VEPH1: variants seen among roughly 807,000 people sequenced by gnomAD.
VEPH1 encodes ventricular zone expressed PH domain containing 1, also known as ventricular zone-expressed PH domain-containing protein homolog 1.
Under a neutral mutation model 85.2 loss-of-function variants are expected in VEPH1, and 80 were observed. That is an observed-to-expected ratio of 0.94 (90% CI 0.78 to 1.13). The LOEUF (loss-of-function observed/expected upper bound fraction) is 1.13, where lower values mean the gene tolerates loss of function less well. Among genes scored for constraint, VEPH1 ranks in the 50% most tolerant of loss-of-function variants. The pLI, the probability that VEPH1 is intolerant of heterozygous loss-of-function variation, is 0.00. For missense variants in VEPH1, 955 were observed against 980.5 expected (o/e 0.97, Z 0.35); for synonymous variants, 297 against 348.0 (o/e 0.85, Z 1.63).
rs142453403 is a variant in VEPH1, at chr3:157,270,154, C to T, written c.2129-4492G>A. 1.4e-4 allele frequency among the ~76,000 whole-genome samples: 22 copies of T among 151,990 alleles called. No homozygotes were observed. In the East Asian group the frequency reaches 3.5e-3, roughly 24 times the overall value. On this transcript the variant is annotated intron_variant, in intron 12 of 13. Coordinates refer to ENST00000362010, the MANE Select transcript of VEPH1 (RefSeq NM_001167912.2). ...ATGCACCTGTAGTCCCAGGTACTCA[C>T]GGGGGTGAAGGGGTGCAGAGGTGGG...
At chr3:157,288,961 C>T (rs1435756946) in intron 11 of VEPH1, among the ~76,000 whole-genome samples, 2 of 151,742 alleles carry the variant, frequency 1.3e-5, no homozygotes, top group Admixed American at 1.3e-4. Context: ...ATTGTTTTGA[C>T]AAAAATGATT....
chr3:157,368,476 G>GTTT (rs59050089), intron 7 of VEPH1, among the ~76,000 whole-genome samples: 1,942 of 140,396 alleles, frequency 0.014, 48 homozygotes, highest in African/African-American at 0.051. Context: ...TAAACAATAA[G>GTTT]TTTTTTGTTT....
chr3:157,358,369 G>A (rs116602994), intron 9 of VEPH1, among the ~76,000 whole-genome samples: 11 of 152,254 alleles, frequency 7.2e-5, no homozygotes, highest in African/African-American at 1.9e-4. Context: ...TGAGGCTCCA[G>A]GAAATTTGGT....
At chr3:157,362,618 A>C (rs1022871766) in intron 9 of VEPH1, among the ~76,000 whole-genome samples, 4 of 152,166 alleles carry the variant, frequency 2.6e-5, no homozygotes, top group African/African-American at 9.7e-5. Context: ...TTCCTATACA[A>C]CCATTCTATT....
chr3:157,424,878 A>G (rs1329396403), intron 5 of VEPH1, among the ~76,000 whole-genome samples: 2 of 152,256 alleles, frequency 1.3e-5, no homozygotes, highest in African/African-American at 2.4e-5. Flanking sequence ...TTTTCTGAGG[A>G]GAAATTCAAG....
At chr3:157,412,010 T>TAGTG (rs1731572306) in intron 6 of VEPH1, among the ~76,000 whole-genome samples, 1 of 152,168 alleles carries the variant, frequency 6.6e-6, no homozygotes, top group Non-Finnish European at 1.5e-5. Context: ...GCTCTCATGA[T>TAGTG]AGTGAGTGAG....
At chr3:157,501,397 A>G (rs886973566) in intron 1 of VEPH1, among the ~76,000 whole-genome samples, 8 of 152,360 alleles carry the variant, frequency 5.3e-5, no homozygotes, top group South Asian at 4.1e-4. Flanking sequence ...AATACAATGT[A>G]TCTCAAACTT....
intron 12 of VEPH1, among the ~76,000 whole-genome samples, chr3:157,278,165 G>A (rs1434326969): frequency 6.6e-6 from 1 of 152,218 alleles, no homozygotes; most frequent in Admixed American, 6.5e-5. Context: ...TGTAACCAAT[G>A]TTATGGAGAA....
intron 11 of VEPH1, among the ~76,000 whole-genome samples, chr3:157,300,874 A>G (rs1718710798): frequency 6.6e-6 from 1 of 152,210 alleles, no homozygotes; most frequent in Non-Finnish European, 1.5e-5. Flanking sequence ...GTATTTAGGG[A>G]GGCAAAGTTT....
At chr3:157,318,446 A>G (rs988702581) in intron 9 of VEPH1, among the ~76,000 whole-genome samples, 1 of 151,904 alleles carries the variant, frequency 6.6e-6, no homozygotes, top group Admixed American at 6.6e-5. Flanking sequence ...CTTCTCTACA[A>G]AAAATACAAA....
At chr3:157,387,080 G>A (rs1344794240) in intron 6 of VEPH1, among the ~76,000 whole-genome samples, 1 of 152,158 alleles carries the variant, frequency 6.6e-6, no homozygotes, top group Admixed American at 6.5e-5. Flanking sequence ...AGAGCTAAAA[G>A]CAATAAGTAA....
chr3:157,288,467 T>G (rs1717058836), intron 11 of VEPH1, among the ~76,000 whole-genome samples: 1 of 152,028 alleles, frequency 6.6e-6, no homozygotes. Context: ...GTAAGAAGTA[T>G]GTCCAACTAT....
chr3:157,497,918 T>G (rs1739798618), intron 1 of VEPH1, among the ~76,000 whole-genome samples: 1 of 152,174 alleles, frequency 6.6e-6, no homozygotes, highest in Admixed American at 6.5e-5. Flanking sequence ...AGGTGAGACT[T>G]ACACATTATT....
Position 157,442,771 on chromosome 3 carries a change from A to G in VEPH1, c.530-14283T>C, listed in dbSNP as rs769709134. 9.3e-6 allele frequency: 15 copies of G among 1,614,234 alleles called. No individual in the cohort carries two copies. In the East Asian group the frequency reaches 3.1e-4, roughly 34 times the overall value. On this transcript the variant is annotated intron_variant, in intron 4 of 13. Coordinates refer to ENST00000362010, the MANE Select transcript of VEPH1 (RefSeq NM_001167912.2). ...GGAGGAATCCTGCAGATTGGCCAAGAAAAGAATGGCTGCTGTGTGGGTGGT... is the reference window on the plus strand; with the variant it reads ...GGAGGAATCCTGCAGATTGGCCAAGGAAAGAATGGCTGCTGTGTGGGTGGT...
chr3:157,314,811 A>G lies in VEPH1; in HGVS notation c.1876-1056T>C, dbSNP rs577284804. Reference sequence around the variant, plus strand: ...TAAATGTTGATCAGTAAGAATGTGAACATAAAGAAAATCACATTTACATAT... The same window carrying G: ...TAAATGTTGATCAGTAAGAATGTGAGCATAAAGAAAATCACATTTACATAT... On this transcript the variant is annotated intron_variant, in intron 10 of 13. Transcript: ENST00000362010. Among the ~76,000 whole-genome samples the G allele has an allele frequency of 2.6e-5, 4 of 152,238 alleles. 1 individual carries two copies. The highest frequency in any genetic ancestry group is 9.6e-5 in the African/African-American group (4 of 41,576).
rs1187860100 is a variant in VEPH1, at chr3:157,399,874, A to T, written c.906+14007T>A. Among the ~76,000 whole-genome samples the T allele has an allele frequency of 2.6e-5, 4 of 152,124 alleles. No homozygotes were observed. The South Asian group carries it at 6.2e-4, about 24-fold the overall frequency. On this transcript the variant is annotated intron_variant, in intron 6 of 13. Coordinates refer to ENST00000362010, the MANE Select transcript of VEPH1 (RefSeq NM_001167912.2). ...CCTTGTTAATCTCTCTCTTAGGTAGATAATTCTCCAACTTTGAGCCGATTT... is the reference window on the plus strand; with the variant it reads ...CCTTGTTAATCTCTCTCTTAGGTAGTTAATTCTCCAACTTTGAGCCGATTT...
chr3:157,411,097 G>A (rs187980261), intron 6 of VEPH1, among the ~76,000 whole-genome samples: 175 of 152,252 alleles, frequency 1.1e-3, no homozygotes, highest in African/African-American at 3.9e-3. Flanking sequence ...CCCCCTTCCT[G>A]CTGGCTGAAA....
intron 12 of VEPH1, among the ~76,000 whole-genome samples, chr3:157,278,552 C>A (rs1451130706): frequency 1.3e-5 from 2 of 152,114 alleles, no homozygotes; most frequent in Non-Finnish European, 2.9e-5. Flanking sequence ...GGTGGCACAA[C>A]AGATTTGTGT....
chr3:157,293,898 G>T (rs1717820748), intron 11 of VEPH1, among the ~76,000 whole-genome samples: 3 of 152,176 alleles, frequency 2.0e-5, no homozygotes, highest in African/African-American at 7.2e-5. Context: ...TGTTCAAAAG[G>T]TCAAGAAAAC....
Sources: gnomAD v4.1 joint callset for allele counts (sites outside exome capture counted in the v4.1 genomes callset) on GRCh38, gnomAD v4.1.1 for gene constraint, MANE v1.5 for transcripts, NCBI Gene and HGNC (gene_info 2026-07-23, HGNC 2026-07-21) for gene names.